MEIS2: variants seen among roughly 807,000 people sequenced by gnomAD.
MEIS2 encodes Meis homeobox 2.
A neutral mutation model predicts 58.6 loss-of-function variants in MEIS2; 9 were observed. The ratio of observed to expected loss-of-function variants is 0.15; its 90% confidence interval spans 0.09 to 0.27. The LOEUF (loss-of-function observed/expected upper bound fraction) is 0.27. Ranked by LOEUF, MEIS2 falls within the 10% of genes least tolerant of loss-of-function variation. The probability of loss-of-function intolerance (pLI) is 1.00; values close to 1 mark genes in which losing one functional copy is unlikely to be tolerated. For synonymous variants in MEIS2, 221 were observed against 228.4 expected, an observed-to-expected ratio of 0.97 and a Z score of 0.29; for missense variants, 427 against 635.0, an observed-to-expected ratio of 0.67 and a Z score of 3.52.
At chr15:37,045,748 T>C (rs1375345064) in intron 7 of MEIS2, among the ~76,000 whole-genome samples, 1 of 152,170 alleles carries the variant, frequency 6.6e-6, no homozygotes, top group East Asian at 1.9e-4. Flanking sequence ...GTGAAATTTT[T>C]CTGTGATTTT....
At chr15:36,893,966 C>CAGACT (rs1555418069) in intron 11 of MEIS2, among the ~76,000 whole-genome samples, 1 of 152,158 alleles carries the variant, frequency 6.6e-6, no homozygotes, top group Non-Finnish European at 1.5e-5. Flanking sequence ...ATCTTGTTGG[C>CAGACT]AGACTCTGAA....
chr15:36,920,375 G>A (rs1048337554), intron 9 of MEIS2, among the ~76,000 whole-genome samples: 1 of 152,152 alleles, frequency 6.6e-6, no homozygotes, highest in Non-Finnish European at 1.5e-5. Flanking sequence ...TCGAACTCCC[G>A]ACCTCAGGTG....
At chr15:37,009,592 C>G (rs2061057702) in intron 8 of MEIS2, among the ~76,000 whole-genome samples, 2 of 152,098 alleles carry the variant, frequency 1.3e-5, no homozygotes, top group South Asian at 4.1e-4. Flanking sequence ...TAAAATATAT[C>G]CTTTGGAGTG....
chr15:37,098,414 G>GAGAGAGAGAGAGAGAGAC (rs1894637577), intron 1 of MEIS2: 1 of 1,158,838 alleles, frequency 8.6e-7, no homozygotes, highest in Non-Finnish European at 1.1e-6. Flanking sequence ...GAGAGAGAGA[G>GAGAGAGAGAGAGAGAGAC]AGAGAGAGAG....
At chr15:37,063,528 G>A (rs1889526694) in intron 7 of MEIS2, among the ~76,000 whole-genome samples, 3 of 152,222 alleles carry the variant, frequency 2.0e-5, no homozygotes, top group Non-Finnish European at 4.4e-5. Context: ...ACAAGCTTAT[G>A]AGGATTAAAT....
At chr15:36,972,825 G>A (rs1333635809) in intron 8 of MEIS2, 1 of 151,932 alleles carries the variant, frequency 6.6e-6, no homozygotes, top group Non-Finnish European at 1.5e-5. Flanking sequence ...TGCATGAAAA[G>A]CAGTAAAGCC....
At chr15:36,963,819 A>G (rs1199748824) in intron 8 of MEIS2, among the ~76,000 whole-genome samples, 3 of 152,214 alleles carry the variant, frequency 2.0e-5, no homozygotes, top group Admixed American at 1.3e-4. Context: ...TTGACTGGTT[A>G]TGCTTTCTTT....
chr15:36,973,816 G>C (rs1481255866), intron 8 of MEIS2, among the ~76,000 whole-genome samples: 1 of 150,648 alleles, frequency 6.6e-6, no homozygotes, highest in Non-Finnish European at 1.5e-5. Context: ...AAAAAAAAAA[G>C]CCAGTATTCC....
At chr15:37,095,507 C>T in intron 4 of MEIS2, 57 bp downstream of exon 4, 1 of 1,612,472 alleles carries the variant, frequency 6.2e-7, no homozygotes, top group South Asian at 1.1e-5. Flanking sequence ...AAAGTGGGTG[C>T]TTCTGGGCAT....
intron 8 of MEIS2, among the ~76,000 whole-genome samples, chr15:37,034,873 G>C (rs1411433406): frequency 6.6e-6 from 1 of 152,102 alleles, no homozygotes; most frequent in Non-Finnish European, 1.5e-5. Context: ...TTGGGGACTT[G>C]GAAGTCTCGG....
chr15:37,068,552 C>T (rs1160643158), intron 7 of MEIS2, among the ~76,000 whole-genome samples: 5 of 152,186 alleles, frequency 3.3e-5, no homozygotes, highest in African/African-American at 1.2e-4. Context: ...GCACTGAGCA[C>T]TCCGCACTCA....
intron 8 of MEIS2, among the ~76,000 whole-genome samples, chr15:36,998,862 A>G (rs572061057): frequency 8.5e-5 from 13 of 152,332 alleles, no homozygotes; most frequent in African/African-American, 3.1e-4. Flanking sequence ...CTGGAAGATT[A>G]AGCAAATTGC....
At chr15:37,063,457 C>G (rs952062439) in intron 7 of MEIS2, among the ~76,000 whole-genome samples, 4 of 152,178 alleles carry the variant, frequency 2.6e-5, no homozygotes, top group African/African-American at 9.7e-5. Flanking sequence ...TCTAGATATT[C>G]CAGGTAAAGG....
intron 8 of MEIS2, among the ~76,000 whole-genome samples, chr15:36,998,203 A>C (rs1050325187): frequency 7.1e-6 from 1 of 140,222 alleles, no homozygotes; most frequent in Non-Finnish European, 1.6e-5. Context: ...TACGACTTTT[A>C]CCATTCTGGA....
chr15:36,961,639 C>CA (rs923081965), intron 8 of MEIS2, among the ~76,000 whole-genome samples: 7 of 151,818 alleles, frequency 4.6e-5, no homozygotes, highest in African/African-American at 1.7e-4. Context: ...CTAATTTGGA[C>CA]AAAAAAATCA....
intron 8 of MEIS2, among the ~76,000 whole-genome samples, chr15:36,986,302 A>G (rs1334402627): frequency 1.3e-5 from 2 of 152,048 alleles, no homozygotes; most frequent in East Asian, 1.9e-4. Flanking sequence ...TCTCTTTAGT[A>G]CTCTGCTTTC....
chr15:36,903,672 C>T (rs1016348440), intron 9 of MEIS2, among the ~76,000 whole-genome samples: 5 of 152,184 alleles, frequency 3.3e-5, no homozygotes, highest in African/African-American at 1.2e-4. Flanking sequence ...TGTAGCCTGA[C>T]CTGGCTTTGC....
intron 7 of MEIS2, among the ~76,000 whole-genome samples, chr15:37,072,075 C>G (rs1890780317): frequency 6.6e-6 from 1 of 152,118 alleles, no homozygotes; most frequent in Non-Finnish European, 1.5e-5. Context: ...CCCTCCAACT[C>G]TACTGCCAAT....
chr15:36,894,229 T>C (rs1158460277), intron 11 of MEIS2, among the ~76,000 whole-genome samples: 1 of 152,178 alleles, frequency 6.6e-6, no homozygotes, highest in East Asian at 1.9e-4. Context: ...CTGTCATATA[T>C]CTAGACTAGG....
Sources: gnomAD v4.1 joint callset for allele counts (sites outside exome capture counted in the v4.1 genomes callset) on GRCh38, gnomAD v4.1.1 for gene constraint, MANE v1.5 for transcripts, NCBI Gene and HGNC (gene_info 2026-07-23, HGNC 2026-07-21) for gene names.